MAPK4: variants seen among roughly 807,000 people sequenced by gnomAD.
MAPK4 encodes mitogen-activated protein kinase 4, also known as Erk3-related.
Under a neutral mutation model 47.7 loss-of-function variants are expected in MAPK4, and 22 were observed. The ratio of observed to expected loss-of-function variants is 0.46; its 90% CI spans 0.33 to 0.66. MAPK4 has a LOEUF of 0.66. Among genes scored for constraint, MAPK4 ranks in the 30% least tolerant of loss-of-function variants. The probability of loss-of-function intolerance (pLI) is 0.02; values close to 1 mark genes in which losing one functional copy is unlikely to be tolerated. For missense variants in MAPK4, 736 were observed against 831.7 expected, an observed-to-expected ratio of 0.88 and a Z score of 1.42; for synonymous variants, 390 against 365.7, an observed-to-expected ratio of 1.07 and a Z score of -0.76.
chr18:50,721,948 G>A lies in MAPK4; in HGVS notation c.702G>A (p.Glu234=). Reference sequence around the variant, plus strand: ...GCATTGCCTCCCCAGGGGCCCATGAGCTGGAGCAGATGCAACTCATCCTGG... The same window carrying A: ...GCATTGCCTCCCCAGGGGCCCATGAACTGGAGCAGATGCAACTCATCCTGG... The part of the protein sequence containing the change: ...TGRMLFAGAH[E]LEQMQLILET... Residue 234 remains glutamate (E), a synonymous_variant, in exon 4 of 6, where the codon GAG becomes GAA. Transcript: ENST00000400384. 2 of 1,614,076 alleles carry A rather than the reference G, an allele frequency of 1.2e-6. No individual in the cohort carries two copies. Among genetic ancestry groups the A allele is most frequent in the Non-Finnish European group, 1.7e-6 (2 of 1,180,024 alleles).
chr18:50,605,639 T>G (rs2042576464), intron 1 of MAPK4, among the ~76,000 whole-genome samples: 1 of 152,168 alleles, frequency 6.6e-6, no homozygotes, highest in Non-Finnish European at 1.5e-5. Context: ...TGGTTTTCAT[T>G]TGGGATGTCT....
chr18:50,726,277 T>C, intron 5 of MAPK4, 102 bp downstream of exon 5: 1 of 1,130,872 alleles, frequency 8.8e-7, no homozygotes, highest in Middle Eastern at 2.2e-4. Context: ...CCAAGTTGCA[T>C]AGCTCATTGG....
At chr18:50,574,411 T>C (rs1262734030) in intron 1 of MAPK4, among the ~76,000 whole-genome samples, 14 of 152,172 alleles carry the variant, frequency 9.2e-5, no homozygotes, top group Admixed American at 9.2e-4. Flanking sequence ...GTTGTTTGAG[T>C]TGGAAGAAAA....
chr18:50,670,621 G>C (rs1907886950), intron 2 of MAPK4, among the ~76,000 whole-genome samples: 1 of 152,102 alleles, frequency 6.6e-6, no homozygotes. Context: ...GCCAGGCGTG[G>C]TGGTGTGTGC....
At chr18:50,674,386 G>A (rs1170355059) in intron 2 of MAPK4, among the ~76,000 whole-genome samples, 2 of 152,196 alleles carry the variant, frequency 1.3e-5, no homozygotes, top group African/African-American at 4.8e-5. Context: ...AGAAATAGAA[G>A]GCTCGGTGGG....
intron 1 of MAPK4, among the ~76,000 whole-genome samples, chr18:50,640,824 G>GCA (rs1215564603): frequency 2.0e-5 from 3 of 151,526 alleles, no homozygotes; most frequent in African/African-American, 4.9e-5. Context: ...ACACACACAC[G>GCA]CACACACACA....
chr18:50,610,546 C>A (rs1163475755), intron 1 of MAPK4, among the ~76,000 whole-genome samples: 1 of 152,216 alleles, frequency 6.6e-6, no homozygotes, highest in African/African-American at 2.4e-5. Context: ...TCTAGTGCCC[C>A]CTGTTGGCAG....
intron 1 of MAPK4, among the ~76,000 whole-genome samples, chr18:50,611,543 T>C (rs1421662204): frequency 1.3e-5 from 2 of 152,222 alleles, no homozygotes; most frequent in East Asian, 1.9e-4. Flanking sequence ...AAGGTGTCGC[T>C]GAGCTCCTTA....
chr18:50,726,385 T>C (rs992565608), intron 5 of MAPK4, among the ~76,000 whole-genome samples: 3 of 152,026 alleles, frequency 2.0e-5, no homozygotes, highest in Non-Finnish European at 4.4e-5. Flanking sequence ...AGGCCTTCCT[T>C]TGTGCAACAC....
intron 1 of MAPK4, among the ~76,000 whole-genome samples, chr18:50,564,914 G>T (rs1388255800): frequency 1.3e-5 from 2 of 152,202 alleles, no homozygotes; most frequent in African/African-American, 4.8e-5. Flanking sequence ...CCTCTTTAAG[G>T]AAACGACAAA....
In MAPK4 at chr18:50,727,925, G is replaced by A. The variant is rs1425447709; in HGVS notation, c.1068-1233G>A. Among the ~76,000 whole-genome samples, 3 of 152,140 alleles carry A rather than the reference G, an allele frequency of 2.0e-5. No homozygotes were observed. The East Asian group carries it at 5.8e-4, about 29-fold the overall frequency. On this transcript the variant is annotated intron_variant, in intron 5 of 5. Coordinates refer to ENST00000400384, the MANE Select transcript of MAPK4 (RefSeq NM_002747.4). ...TTGGCACTTGGAATAGAGCAGCCAA[G>A]GGTCAGCGTCTTCACACACTCTTCC... is the stretch of plus-strand genomic sequence containing the variant.
At chr18:50,695,477 A>G (rs1909465048) in intron 2 of MAPK4, among the ~76,000 whole-genome samples, 2 of 151,788 alleles carry the variant, frequency 1.3e-5, no homozygotes, top group Non-Finnish European at 2.9e-5. Flanking sequence ...CTACCTTTCT[A>G]GCCCTGTTTT....
At chr18:50,667,888 G>A (rs972737043) in intron 2 of MAPK4, among the ~76,000 whole-genome samples, 1 of 152,180 alleles carries the variant, frequency 6.6e-6, no homozygotes, top group African/African-American at 2.4e-5. Flanking sequence ...TTTACCTGGA[G>A]ATAGCATCAG....
At chr18:50,642,240 A>G (rs1598857353) in intron 1 of MAPK4, among the ~76,000 whole-genome samples, 3 of 152,226 alleles carry the variant, frequency 2.0e-5, no homozygotes, top group Admixed American at 6.5e-5. Flanking sequence ...TTTGCTTGTC[A>G]GTTGAAATGT....
At chr18:50,667,059 T>A (rs1291957138) in intron 2 of MAPK4, among the ~76,000 whole-genome samples, 1 of 152,210 alleles carries the variant, frequency 6.6e-6, no homozygotes, top group Non-Finnish European at 1.5e-5. Flanking sequence ...CTGAGCGCTG[T>A]CTCCTTCATG....
At chr18:50,675,886 T>G (rs1306925794) in intron 2 of MAPK4, among the ~76,000 whole-genome samples, 1 of 152,188 alleles carries the variant, frequency 6.6e-6, no homozygotes, top group Non-Finnish European at 1.5e-5. Context: ...CTCAGCCTCC[T>G]AAAGTGCTGG....
rs752170081 is a variant in MAPK4 at position 50,729,150 on chromosome 18, C to T, written c.1068-8C>T. The stretch of plus-strand genomic sequence containing the variant: ...CATCCAATCACCGCTCTGTTTGTAC[C>T]CTTGCAGGTACCCTGTGAGCCTGTC... On this transcript the variant is annotated splice_region_variant and splice_polypyrimidine_tract_variant and intron_variant, in intron 5 of 5. Coordinates refer to ENST00000400384, the MANE Select transcript of MAPK4 (RefSeq NM_002747.4). 15 of 1,562,394 alleles carry T rather than the reference C, an allele frequency of 9.6e-6. No homozygotes were observed. The highest frequency in any genetic ancestry group is 1.3e-5 in the Non-Finnish European group (15 of 1,146,156).
At chr18:50,594,169 C>T (rs1031715884) in intron 1 of MAPK4, among the ~76,000 whole-genome samples, 7 of 152,174 alleles carry the variant, frequency 4.6e-5, no homozygotes, top group Admixed American at 2.0e-4. Context: ...GGCAGCTTAT[C>T]CCATCTTCTT....
At chr18:50,651,122 C>G (rs1212320578) in intron 1 of MAPK4, among the ~76,000 whole-genome samples, 1 of 152,228 alleles carries the variant, frequency 6.6e-6, no homozygotes, top group Non-Finnish European at 1.5e-5. Flanking sequence ...GAAATCAAAC[C>G]AGCAAGGAAC....
Sources: allele counts gnomAD v4.1 joint callset (sites outside exome capture counted in the v4.1 genomes callset), GRCh38; gene constraint gnomAD v4.1.1; transcripts MANE v1.5; gene names NCBI Gene and HGNC (gene_info 2026-07-23, HGNC 2026-07-21).